TBC1D9B: variants seen among roughly 807,000 people sequenced by gnomAD.
TBC1D9B encodes the protein TBC1 domain family member 9B, also known as TBC1 domain family, member 9B (with GRAM domain).
TBC1D9B carries 87 observed loss-of-function variants against 121.1 expected under a neutral mutation model. That is an observed-to-expected ratio of 0.72 (90% confidence interval 0.60 to 0.86). TBC1D9B has a LOEUF of 0.86. Ranked by LOEUF, TBC1D9B falls within the 40% of genes least tolerant of loss-of-function variation. TBC1D9B has a pLI of 0.00. For synonymous variants in TBC1D9B, 668 were observed against 670.1 expected (o/e 1.00, Z 0.05); for missense variants, 1,540 against 1,628.6 (o/e 0.95, Z 0.94).
chr5:179,865,231 C>G lies in TBC1D9B; in HGVS notation c.3021+23G>C, dbSNP rs1477321178. ...GGTCAGAACTCTCCAGAAATGTCTA[C>G]TGTGGGCTCCAGTGGAGCCTACCTG... is the stretch of plus-strand genomic sequence containing the variant. On this transcript the variant is annotated intron_variant, in intron 20 of 20. Coordinates refer to ENST00000355235, the MANE Select transcript of TBC1D9B (RefSeq NM_015043.4). The surrounding 1 kb of genome is among the most constrained non-coding windows in gnomAD (Gnocchi z 5.1). The G allele has an allele frequency of 6.2e-7, 1 of 1,606,690 alleles. No homozygotes were observed. The highest frequency in any genetic ancestry group is 2.2e-5 in the East Asian group (1 of 44,850).
Position 179,874,766 on chromosome 5 carries a change from C to A in TBC1D9B, c.2186+136G>T. 7.6e-7 allele frequency: 1 copy of A among 1,320,668 alleles called. No homozygotes were observed. The highest frequency in any genetic ancestry group is 1.0e-6 in the Non-Finnish European group (1 of 981,018). 81.8% of individuals were successfully genotyped at this position (1,320,668 alleles called of 1,614,324 possible). On this transcript the variant is annotated intron_variant, in intron 12 of 20. Coordinates refer to ENST00000355235, the MANE Select transcript of TBC1D9B (RefSeq NM_015043.4). The surrounding 1 kb of genome is among the most constrained non-coding windows in gnomAD (Gnocchi z 4.3). ...CCACTAGAAAGGAGCCGCCTCCTGA[C>A]CCCAGAGCACCCCCGGGTCCAGCTG...
intron 15 of TBC1D9B, 25 bp from the exon 16 acceptor site, chr5:179,870,520 G>A (rs1054065222): frequency 8.8e-6 from 14 of 1,588,616 alleles, no homozygotes; most frequent in South Asian, 4.5e-5. Context: ...CTGGTGAGAC[G>A]GTCCAGCCGC....
chr5:179,876,147 T>C (rs2113615616), intron 10 of TBC1D9B, 110 bp from the exon 11 acceptor site: 1 of 738,032 alleles, frequency 1.4e-6, no homozygotes, highest in East Asian at 3.2e-5. Flanking sequence ...CACATGATCT[T>C]CTTTTTGTTG....
rs993204698 is a variant in TBC1D9B, at chr5:179,902,530, A to T, written c.229+2172T>A. Among the ~76,000 whole-genome samples the T allele has an allele frequency of 3.9e-5, 6 of 152,118 alleles. No individual in the cohort carries two copies. The South Asian group carries it at 1.0e-3, about 26-fold the overall frequency. Reference sequence around the variant, plus strand: ...AGTGCAGGGCTTTGGGCCTGGCAGGAGGGGAGAGGTCAAGTGTGTGGCACG... The same window carrying T: ...AGTGCAGGGCTTTGGGCCTGGCAGGTGGGGAGAGGTCAAGTGTGTGGCACG... On this transcript the variant is annotated intron_variant, in intron 2 of 20. Coordinates refer to ENST00000355235, the MANE Select transcript of TBC1D9B (RefSeq NM_015043.4). This position sits in a 1 kb window ranked among gnomAD's most constrained non-coding sequence, Gnocchi z 4.9.
rs375844202 is a variant in TBC1D9B, at chr5:179,872,855, C to T, written c.2415+37G>A. On this transcript the variant is annotated intron_variant, in intron 14 of 20. Transcript: ENST00000355235. ...TGTGGGGAAGGCACTGCTGCCCCCC[C>T]AGCCCAGCCCCTGCCCAGCCCTGCT... 1.3e-5 allele frequency: 20 copies of T among 1,510,654 alleles called. 1 individual carries two copies. In the South Asian group the frequency reaches 2.0e-4, roughly 15 times the overall value. 93.6% of individuals were successfully genotyped at this position (1,510,654 alleles called of 1,614,324 possible).
At position 179,875,326 on chromosome 5, in the gene TBC1D9B, G is replaced by T. The variant is rs1239860347; in HGVS notation, c.1901-139C>A. Reference sequence around the variant, plus strand: ...CTGAGGGAGACTTGGAGTGCTGGGAGAAAACAAGGACGAAAAAACCCTTCA... The same window carrying T: ...CTGAGGGAGACTTGGAGTGCTGGGATAAAACAAGGACGAAAAAACCCTTCA... On this transcript the variant is annotated intron_variant, in intron 11 of 20. Transcript: ENST00000355235. The surrounding 1 kb of genome is among the most constrained non-coding windows in gnomAD (Gnocchi z 4.5). The T allele has an allele frequency of 9.0e-7, 1 of 1,113,902 alleles. No individual in the cohort carries two copies. The highest frequency in any genetic ancestry group is 1.2e-6 in the Non-Finnish European group (1 of 803,740). 69.0% of individuals were successfully genotyped at this position (1,113,902 alleles called of 1,614,324 possible). A position where few individuals can be genotyped will look rare whatever the true frequency, so the allele number is the denominator to read the frequency against.
chr5:179,864,145 C>T lies in TBC1D9B; in HGVS notation c.3022-17G>A. The T allele has an allele frequency of 6.3e-7, 1 of 1,579,044 alleles. No homozygotes were observed. The highest frequency in any genetic ancestry group is 1.3e-5 in the African/African-American group (1 of 74,210). On this transcript the variant is annotated splice_polypyrimidine_tract_variant and intron_variant, in intron 20 of 20. Transcript: ENST00000355235. ...GAACTGCTCCTTTTAGGGAGAAAAACAGAAGAACAGGGAGATGGTAAAAGA... is the reference window on the plus strand; with the variant it reads ...GAACTGCTCCTTTTAGGGAGAAAAATAGAAGAACAGGGAGATGGTAAAAGA...
intron 17 of TBC1D9B, 82 bp from the exon 18 acceptor site, chr5:179,867,931 G>C: frequency 2.2e-6 from 3 of 1,376,194 alleles, no homozygotes; most frequent in South Asian, 1.8e-5. Context: ...GCCCTGGGCA[G>C]AGCCTTGCTT....
rs1561644452 is a variant in TBC1D9B at position 179,890,440 on chromosome 5, C to T, written c.1044+939G>A. 6.6e-6 allele frequency among the ~76,000 whole-genome samples: 1 copy of T among 152,200 alleles called. No individual in the cohort carries two copies. Among genetic ancestry groups the T allele is most frequent in the Admixed American group, 6.5e-5 (1 of 15,282 alleles). ...GGTCAGTACAGTGCCCCGGACAGAT[C>T]CACAGGGCCCTGGTGCTAACAGAAT... On this transcript the variant is annotated intron_variant, in intron 6 of 20. Coordinates refer to ENST00000355235, the MANE Select transcript of TBC1D9B (RefSeq NM_015043.4). This position sits in a 1 kb window ranked among gnomAD's most constrained non-coding sequence, Gnocchi z 5.0.
Position 179,879,053 on chromosome 5 carries a change from A to G in TBC1D9B, c.1561T>C (p.Phe521Leu). The G allele has an allele frequency of 6.2e-7, 1 of 1,602,378 alleles. No homozygotes were observed. The highest frequency in any genetic ancestry group is 8.5e-7 in the Non-Finnish European group (1 of 1,179,808). The change falls in exon 9 of 21, where the codon TTC (phenylalanine) becomes CTC (leucine). Residue 521 changes from phenylalanine (F) to leucine (L), a missense_variant. By Grantham distance (22) the Phe-to-Leu change is conservative. Transcript: ENST00000355235. ...GTGGCTGCACCCCACTCACCGGAGA[A>G]GAGGAGCCACAGCTCTCCCCGGAGG... ...ESLRGELWLLFSGAWNEMVTH... is the reference protein window; with the variant it reads ...ESLRGELWLLLSGAWNEMVTH...
intron 7 of TBC1D9B, among the ~76,000 whole-genome samples, chr5:179,884,002 GCT>G (rs1188352463): frequency 1.3e-5 from 2 of 152,056 alleles, no homozygotes; most frequent in African/African-American, 4.8e-5. Context: ...AAGTGTTCCT[GCT>G]CTGTTCAATC....
intron 3 of TBC1D9B, among the ~76,000 whole-genome samples, 169 bp from the exon 4 acceptor site, chr5:179,894,783 A>G (rs1582100539): frequency 6.6e-6 from 1 of 152,200 alleles, no homozygotes; most frequent in East Asian, 1.9e-4. Context: ...AGGCACATGG[A>G]TGAGAGACGC....
At position 179,887,813 on chromosome 5, in the gene TBC1D9B, C is replaced by T. The variant is rs181327887; in HGVS notation, c.1254+290G>A. ...TACAGGCCTCCACAGTGTGGCTTTGCTCTGAGTGCAGCAGCAATGCAGAAA... is the reference window on the plus strand; with the variant it reads ...TACAGGCCTCCACAGTGTGGCTTTGTTCTGAGTGCAGCAGCAATGCAGAAA... On this transcript the variant is annotated intron_variant, in intron 7 of 20. Transcript: ENST00000355235. 1.8e-4 allele frequency: 88 copies of T among 488,206 alleles called. 1 individual carries two copies. In the East Asian group the frequency reaches 2.9e-3, roughly 16 times the overall value. The allele number at this position is 488,206 out of a possible 1,614,324, so 30.2% of individuals were successfully genotyped here. A position where few individuals can be genotyped will look rare whatever the true frequency, so the allele number is the denominator to read the frequency against.
At chr5:179,906,112 A>G (rs1761305059) in intron 1 of TBC1D9B, among the ~76,000 whole-genome samples, 1 of 152,208 alleles carries the variant, frequency 6.6e-6, no homozygotes, top group Non-Finnish European at 1.5e-5. Flanking sequence ...AGATTCTTTA[A>G]TGAAAAGTCT....
chr5:179,883,621 C>A (rs1461370743), intron 7 of TBC1D9B, among the ~76,000 whole-genome samples: 1 of 151,960 alleles, frequency 6.6e-6, no homozygotes, highest in Non-Finnish European at 1.5e-5. Flanking sequence ...GCTTTTTAAA[C>A]ATTTTTAATT....
chr5:179,886,283 T>C (rs74397614), intron 7 of TBC1D9B, among the ~76,000 whole-genome samples: 7,377 of 152,294 alleles, frequency 0.048, 609 homozygotes, highest in African/African-American at 0.17. Context: ...CTGTCCGATG[T>C]GTTCACTGTT....
At chr5:179,869,967 G>T in intron 16 of TBC1D9B, 133 bp from the exon 17 acceptor site, 1 of 991,236 alleles carries the variant, frequency 1.0e-6, no homozygotes, top group Non-Finnish European at 1.4e-6. Flanking sequence ...GTGAGTCCCA[G>T]ATCTCCTGTC....
At chr5:179,871,598 G>T in intron 14 of TBC1D9B, 68 bp from the exon 15 acceptor site, 1 of 1,541,352 alleles carries the variant, frequency 6.5e-7, no homozygotes, top group Non-Finnish European at 8.9e-7. Flanking sequence ...ACGGCACTCT[G>T]TGAGAGCATC....
At position 179,876,461 on chromosome 5, in the gene TBC1D9B, C is replaced by A. The variant is rs905193944; in HGVS notation, c.1783-424G>T. On this transcript the variant is annotated intron_variant, in intron 10 of 20. Coordinates refer to ENST00000355235, the MANE Select transcript of TBC1D9B (RefSeq NM_015043.4). ...ACCAAGCTGATGTGGAGGTGAGCCA[C>A]AAGGCCAGAGCCCCACACCAAGGCC... is the stretch of plus-strand genomic sequence containing the variant. 2.6e-5 allele frequency among the ~76,000 whole-genome samples: 4 copies of A among 152,302 alleles called. No individual in the cohort carries two copies. In the South Asian group the frequency reaches 8.3e-4, roughly 32 times the overall value.
Sources: gnomAD v4.1 joint callset for allele counts (sites outside exome capture counted in the v4.1 genomes callset) on GRCh38, gnomAD v4.1.1 for gene constraint, Gnocchi (gnomAD v3.1) non-coding constraint, MANE v1.5 for transcripts, NCBI Gene and HGNC (gene_info 2026-07-23, HGNC 2026-07-21) for gene names.